NHEJ1: variants seen among roughly 807,000 people sequenced by gnomAD.
NHEJ1 encodes the protein non-homologous end-joining factor 1.
A neutral mutation model predicts 39.4 loss-of-function variants in NHEJ1; 22 were observed. That is an observed-to-expected ratio of 0.56 (90% CI 0.40 to 0.80). NHEJ1 has a LOEUF of 0.80. Ranked by LOEUF, NHEJ1 falls within the 30% of genes least tolerant of loss-of-function variation. The pLI, the probability that NHEJ1 is intolerant of heterozygous loss-of-function variation, is 0.00. For synonymous variants in NHEJ1, 154 were observed against 135.6 expected, an observed-to-expected ratio of 1.14 and a Z score of -0.94; for missense variants, 329 against 357.1, an observed-to-expected ratio of 0.92 and a Z score of 0.63.
intron 3 of NHEJ1, among the ~76,000 whole-genome samples, chr2:219,150,082 C>T (rs1949781025): frequency 1.3e-5 from 2 of 152,352 alleles, no homozygotes; most frequent in Admixed American, 6.5e-5. Context: ...CCAGATTAGA[C>T]GTCTGGACTC....
At position 219,119,430 on chromosome 2, in the gene NHEJ1, C is replaced by T. The variant is rs77377425; in HGVS notation, c.588+27250G>A. Among the ~76,000 whole-genome samples the T allele has an allele frequency of 1.9e-4, 29 of 152,206 alleles. No individual in the cohort carries two copies. The East Asian group carries it at 5.2e-3, about 27-fold the overall frequency. Reference sequence around the variant, plus strand: ...CATCAACCTTCCTGTCAAATCAAGACGTTAAGGGTAGAGATTCCAGTGATG... The same window carrying T: ...CATCAACCTTCCTGTCAAATCAAGATGTTAAGGGTAGAGATTCCAGTGATG... On this transcript the variant is annotated intron_variant, in intron 5 of 7. Coordinates refer to ENST00000356853, the MANE Select transcript of NHEJ1 (RefSeq NM_024782.3).
intron 3 of NHEJ1, among the ~76,000 whole-genome samples, chr2:219,155,461 TTTTA>T (rs946743048): frequency 3.3e-5 from 5 of 151,784 alleles, no homozygotes; most frequent in Non-Finnish European, 5.9e-5. Context: ...ATTTATTAAA[TTTTA>T]TTTATGTATT....
At chr2:219,118,492 G>A (rs915704850) in intron 5 of NHEJ1, among the ~76,000 whole-genome samples, 4 of 152,110 alleles carry the variant, frequency 2.6e-5, no homozygotes, top group African/African-American at 9.7e-5. Context: ...GGGAGGGACA[G>A]GGAGGGCAGG....
intron 5 of NHEJ1, among the ~76,000 whole-genome samples, chr2:219,128,564 G>A (rs770943416): frequency 1.3e-5 from 2 of 152,076 alleles, no homozygotes; most frequent in African/African-American, 2.4e-5. Flanking sequence ...AGGAGGGCAG[G>A]AGTTGGCGGC....
intron 3 of NHEJ1, 109 bp downstream of exon 3, chr2:219,157,363 A>T (rs1262425255): frequency 2.1e-6 from 2 of 938,488 alleles, no homozygotes; most frequent in Non-Finnish European, 1.7e-6. Flanking sequence ...AAGTTTTCTG[A>T]TTGGAGAAGA....
At chr2:219,099,217 G>A (rs1949234806) in intron 5 of NHEJ1, among the ~76,000 whole-genome samples, 1 of 152,214 alleles carries the variant, frequency 6.6e-6, no homozygotes, top group African/African-American at 2.4e-5. Context: ...CTCAACAGTG[G>A]CACTACTGCC....
intron 7 of NHEJ1, 58 bp from the exon 8 acceptor site, chr2:219,076,513 G>C: frequency 1.4e-6 from 2 of 1,464,100 alleles, no homozygotes; most frequent in Non-Finnish European, 1.9e-6. Context: ...CTGAAATTAG[G>C]AAAGGAACTT....
Position 219,158,443 on chromosome 2 carries a change from A to C in NHEJ1, c.1-81T>G, listed in dbSNP as rs1458867281. Reference sequence around the variant, plus strand: ...GGCACCACCCAAACCAGTCTGTATCAACTAAAATCTCATGAAAATCCTCCC... The same window carrying C: ...GGCACCACCCAAACCAGTCTGTATCCACTAAAATCTCATGAAAATCCTCCC... On this transcript the variant is annotated intron_variant, in intron 1 of 7. Transcript: ENST00000356853. The C allele has an allele frequency of 4.5e-6, 6 of 1,342,776 alleles. No individual in the cohort carries two copies. The African/African-American group carries it at 8.6e-5, about 19-fold the overall frequency. The allele number at this position is 1,342,776 out of a possible 1,614,324, so 83.2% of individuals were successfully genotyped here.
rs897903653 is a variant in NHEJ1, at chr2:219,070,947, C to T, written c.*5434G>A. ...AAATTATTACCAGCTCTGCCTTCCA[C>T]AACTAGTGCCTCCCCATTCCTCTCA... On this transcript the variant is annotated 3_prime_UTR_variant, in exon 8 of 8. Coordinates refer to ENST00000356853, the MANE Select transcript of NHEJ1 (RefSeq NM_024782.3). Among the ~76,000 whole-genome samples the T allele has an allele frequency of 2.0e-5, 3 of 152,230 alleles. No homozygotes were observed. Among genetic ancestry groups the T allele is most frequent in the African/African-American group, 7.2e-5 (3 of 41,464 alleles).
chr2:219,097,415 T>C (rs1238156300), intron 5 of NHEJ1, among the ~76,000 whole-genome samples: 1 of 152,202 alleles, frequency 6.6e-6, no homozygotes, highest in Non-Finnish European at 1.5e-5. Flanking sequence ...GGATTGGATG[T>C]GGGGTATGAG....
At chr2:219,159,452 T>A (rs906924263) in intron 1 of NHEJ1, 3 of 150,796 alleles carry the variant, frequency 2.0e-5, no homozygotes, top group African/African-American at 7.3e-5. Flanking sequence ...TTATTAAGTC[T>A]GATTAACACA....
chr2:219,089,527 T>C (rs1949142088), intron 5 of NHEJ1, among the ~76,000 whole-genome samples: 1 of 152,200 alleles, frequency 6.6e-6, no homozygotes, highest in African/African-American at 2.4e-5. Flanking sequence ...TGAAATATGC[T>C]GAATAGGCAA....
intron 5 of NHEJ1, among the ~76,000 whole-genome samples, chr2:219,127,045 G>A (rs747709046): frequency 2.0e-5 from 3 of 152,154 alleles, no homozygotes; most frequent in Non-Finnish European, 2.9e-5. Flanking sequence ...GTAAGTAGTG[G>A]CCAGATCATA....
intron 5 of NHEJ1, among the ~76,000 whole-genome samples, chr2:219,094,879 C>T (rs1455218113): frequency 6.6e-6 from 1 of 152,112 alleles, no homozygotes; most frequent in African/African-American, 2.4e-5. Flanking sequence ...CAAATCTAGG[C>T]TCTGGTTACA....
intron 5 of NHEJ1, among the ~76,000 whole-genome samples, chr2:219,132,883 A>G (rs1005544832): frequency 1.3e-5 from 2 of 152,224 alleles, no homozygotes; most frequent in Non-Finnish European, 2.9e-5. Flanking sequence ...AAATTCCAGC[A>G]GTTTAATCTC....
At chr2:219,099,187 C>T (rs1319269582) in intron 5 of NHEJ1, among the ~76,000 whole-genome samples, 3 of 152,176 alleles carry the variant, frequency 2.0e-5, no homozygotes, top group Non-Finnish European at 4.4e-5. Context: ...AGGCCTAGAG[C>T]AGACTCTAGA....
At chr2:219,078,304 T>A in intron 5 of NHEJ1, 98 bp from the exon 6 acceptor site, 1 of 1,043,798 alleles carries the variant, frequency 9.6e-7, no homozygotes, top group Non-Finnish European at 1.5e-6. Flanking sequence ...CCAAATGAAT[T>A]AATATAAAGC....
At chr2:219,085,011 C>T (rs570814830) in intron 5 of NHEJ1, among the ~76,000 whole-genome samples, 2 of 152,202 alleles carry the variant, frequency 1.3e-5, no homozygotes, top group Non-Finnish European at 2.9e-5. Context: ...TTCCTGCTTC[C>T]TAATGTGGCT....
chr2:219,146,090 A>C (rs1031621151), intron 5 of NHEJ1, among the ~76,000 whole-genome samples: 2 of 152,194 alleles, frequency 1.3e-5, no homozygotes, highest in African/African-American at 4.8e-5. Flanking sequence ...TTTGGCATTT[A>C]ATAGATGTTT....
Sources: allele counts gnomAD v4.1 joint callset (sites outside exome capture counted in the v4.1 genomes callset), GRCh38; gene constraint gnomAD v4.1.1; transcripts MANE v1.5; gene names NCBI Gene and HGNC (gene_info 2026-07-23, HGNC 2026-07-21).